Variants in DMGDH observed in about 807,000 individuals in gnomAD.
The protein encoded by DMGDH is dimethylglycine dehydrogenase, mitochondrial.
A neutral mutation model predicts 95.2 loss-of-function variants in DMGDH; 76 were observed. That is an observed-to-expected ratio of 0.80 (90% CI 0.66 to 0.97). DMGDH has a LOEUF of 0.97. Among genes scored for constraint, DMGDH ranks in the 50% least tolerant of loss-of-function variants. The probability of loss-of-function intolerance (pLI) is 0.00; values close to 1 mark genes in which losing one functional copy is unlikely to be tolerated. For missense variants in DMGDH, 987 were observed against 1,055.0 expected (o/e 0.94, Z 0.89); for synonymous variants, 345 against 377.6 (o/e 0.91, Z 1.00).
chr5:79,000,362 A>G (rs1753433002), intron 15 of DMGDH: 2 of 651,764 alleles, frequency 3.1e-6, no homozygotes, highest in Admixed American at 3.6e-5. Context: ...TTCTCACAAT[A>G]TACTCTGTAG....
intron 14 of DMGDH, chr5:79,020,980 G>A (rs764089922): frequency 1.6e-4 from 159 of 985,268 alleles, no homozygotes; most frequent in South Asian, 1.5e-3. Flanking sequence ...CTTGATTAAT[G>A]CATTTCTTCC....
Position 79,029,931 on chromosome 5 carries a change from C to A in DMGDH, c.1787G>T (p.Gly596Val). 6.2e-7 allele frequency: 1 copy of A among 1,613,964 alleles called. No individual in the cohort carries two copies. Among genetic ancestry groups the A allele is most frequent in the Non-Finnish European group, 8.5e-7 (1 of 1,179,962 alleles). The change falls in exon 11 of 16, where the codon GGC becomes GTC. Residue 596 changes from glycine (G) to valine (V), a missense_variant. Coordinates refer to ENST00000255189, the MANE Select transcript of DMGDH (RefSeq NM_013391.3). ...QSPGEFLLIT[G>V]SGSELHDLRW... ...AAGATCATGAAGTTCTGATCCAGAG[C>A]CAGTAATTAAAAGAAACTCCCCAGG...
intron 9 of DMGDH, among the ~76,000 whole-genome samples, chr5:79,032,152 A>C (rs1446252155): frequency 1.3e-5 from 2 of 152,246 alleles, no homozygotes; most frequent in African/African-American, 2.4e-5. Flanking sequence ...ACCCAAATTC[A>C]GAGAACTGTT....
At position 79,068,818 on chromosome 5, in the gene DMGDH, A is replaced by C. The variant is rs190058883; in HGVS notation, c.101+702T>G. On this transcript the variant is annotated intron_variant, in intron 1 of 15. Transcript: ENST00000255189. ...CATTTTTACCTATCAGATTTAGCAA[A>C]GATAACAAAATGGGCTATTCTGGGA... 1.0e-3 allele frequency among the ~76,000 whole-genome samples: 158 copies of C among 152,384 alleles called. 1 individual carries two copies. The highest frequency in any genetic ancestry group is 2.5e-4 in the Non-Finnish European group (17 of 68,038).
intron 14 of DMGDH, among the ~76,000 whole-genome samples, chr5:79,018,525 G>C (rs574889181): frequency 6.6e-6 from 1 of 152,078 alleles, no homozygotes; most frequent in South Asian, 2.1e-4. Context: ...GCTGTGGGGA[G>C]GGTGGCGGGT....
intron 4 of DMGDH, among the ~76,000 whole-genome samples, chr5:79,053,012 T>C (rs931678615): frequency 2.0e-5 from 3 of 152,134 alleles, no homozygotes; most frequent in African/African-American, 7.2e-5. Flanking sequence ...TGCAAGGGAG[T>C]CAGAGAGCAT....
intron 9 of DMGDH, among the ~76,000 whole-genome samples, chr5:79,031,384 G>A (rs1444549684): frequency 6.6e-6 from 1 of 152,220 alleles, no homozygotes; most frequent in African/African-American, 2.4e-5. Flanking sequence ...TTAAATCAGA[G>A]TGTCTGGGTT....
chr5:79,045,846 A>G (rs1171078419), intron 5 of DMGDH, among the ~76,000 whole-genome samples: 1 of 152,238 alleles, frequency 6.6e-6, no homozygotes, highest in Non-Finnish European at 1.5e-5. Context: ...AGCTAGACAG[A>G]GAATCATCAA....
rs1753396963 is a variant in DMGDH at position 78,998,394 on chromosome 5, A to C, written c.2386-97T>G. On this transcript the variant is annotated intron_variant, in intron 15 of 15. Coordinates refer to ENST00000255189, the MANE Select transcript of DMGDH (RefSeq NM_013391.3). ...AAACTAAAATACAGATTCAACTTAC[A>C]AAATGGAAGTTTTATGAAGTGCTGT... 4.8e-6 allele frequency: 6 copies of C among 1,244,724 alleles called. No individual in the cohort carries two copies. In the Admixed American group the frequency reaches 5.9e-5, roughly 12 times the overall value. 77.1% of individuals were successfully genotyped at this position (1,244,724 alleles called of 1,614,324 possible).
At chr5:79,050,248 CAAAAAAAAAAAAA>C (rs57662602) in intron 5 of DMGDH, among the ~76,000 whole-genome samples, 11 of 78,640 alleles carry the variant, frequency 1.4e-4, no homozygotes, top group African/African-American at 4.8e-4. Flanking sequence ...AACTTTGTCT[CAAAAAAAAAAAAA>C]AAAAAAAAAA....
chr5:79,069,656 C>G lies in DMGDH; in HGVS notation c.-36G>C, dbSNP rs1245813979. ...AGGCCGAGGGCGCAGGCGCCTGCTCCGAGGCCAGCGGGCAGCCTGAGGCCG... is the reference window on the plus strand; with the variant it reads ...AGGCCGAGGGCGCAGGCGCCTGCTCGGAGGCCAGCGGGCAGCCTGAGGCCG... On this transcript the variant is annotated 5_prime_UTR_variant, in exon 1 of 16. Coordinates refer to ENST00000255189, the MANE Select transcript of DMGDH (RefSeq NM_013391.3). The G allele has an allele frequency of 3.8e-6, 5 of 1,308,438 alleles. No individual in the cohort carries two copies. The highest frequency in any genetic ancestry group is 3.1e-5 in the East Asian group (1 of 31,750). 81.1% of individuals were successfully genotyped at this position (1,308,438 alleles called of 1,614,324 possible). A position where few individuals can be genotyped will look rare whatever the true frequency, so the allele number is the denominator to read the frequency against.
intron 14 of DMGDH, among the ~76,000 whole-genome samples, chr5:79,013,437 C>T (rs1037835947): frequency 6.6e-6 from 1 of 152,108 alleles, no homozygotes; most frequent in Non-Finnish European, 1.5e-5. Context: ...AGTTTCAAAC[C>T]TTCTCTCATC....
chr5:79,033,787 C>T (rs1479603715), intron 7 of DMGDH, among the ~76,000 whole-genome samples: 1 of 152,134 alleles, frequency 6.6e-6, no homozygotes, highest in Non-Finnish European at 1.5e-5. Context: ...AAAAAATTAT[C>T]TCGGCATGGT....
At chr5:79,024,568 C>T (rs1344776910) in intron 13 of DMGDH, among the ~76,000 whole-genome samples, 1 of 152,200 alleles carries the variant, frequency 6.6e-6, no homozygotes, top group Non-Finnish European at 1.5e-5. Flanking sequence ...CACTGTGTTT[C>T]CACAGCTCTC....
intron 15 of DMGDH, chr5:79,001,170 G>A: frequency 2.2e-6 from 1 of 464,296 alleles, no homozygotes; most frequent in Non-Finnish European, 3.9e-6. Context: ...GCTTTTGTTT[G>A]CTTGTTTTTT....
Position 79,026,593 on chromosome 5 carries a change from C to G in DMGDH, c.2033-12G>C. 1 of 1,614,004 alleles carries G rather than the reference C, an allele frequency of 6.2e-7. No homozygotes were observed. Among genetic ancestry groups the G allele is most frequent in the South Asian group, 1.1e-5 (1 of 91,076 alleles). ...CCAACCCAGCTCACCTGAAATAAAC[C>G]CACAGGTGCCACAGCAGGGCAAGAA... On this transcript the variant is annotated splice_polypyrimidine_tract_variant and intron_variant, in intron 12 of 15. Transcript: ENST00000255189.
chr5:79,049,207 C>G (rs1561225354), intron 5 of DMGDH, among the ~76,000 whole-genome samples: 1 of 152,154 alleles, frequency 6.6e-6, no homozygotes, highest in Admixed American at 6.5e-5. Context: ...GGGTTTAGGT[C>G]AGATCTCTTT....
chr5:79,050,258 AAAAAAAAAAAAAAAAATAT>A (rs1412451857), intron 5 of DMGDH, among the ~76,000 whole-genome samples: 1 of 70,498 alleles, frequency 1.4e-5, no homozygotes, highest in African/African-American at 5.3e-5. Flanking sequence ...CAAAAAAAAA[AAAAAAAAAAAAAAAAATAT>A]ATATATATAT....
chr5:79,022,107 G>A (rs889158467), intron 14 of DMGDH, among the ~76,000 whole-genome samples: 1 of 152,196 alleles, frequency 6.6e-6, no homozygotes, highest in Non-Finnish European at 1.5e-5. Context: ...GCTCTGAAGG[G>A]AAAGAAATAA....
Sources: gnomAD v4.1 joint callset for allele counts (sites outside exome capture counted in the v4.1 genomes callset) on GRCh38, gnomAD v4.1.1 for gene constraint, MANE v1.5 for transcripts, NCBI Gene and HGNC (gene_info 2026-07-23, HGNC 2026-07-21) for gene names.